Variants in MTOR observed in about 807,000 individuals in gnomAD.
MTOR encodes mechanistic target of rapamycin kinase, also known as serine/threonine-protein kinase mTOR.
A neutral mutation model predicts 319.8 loss-of-function variants in MTOR; 70 were observed. The observed-to-expected ratio is 0.22, with a 90% CI of 0.18 to 0.27. The LOEUF (loss-of-function observed/expected upper bound fraction) is 0.27, where lower values mean the gene tolerates loss of function less well. MTOR is among the 10% of genes least tolerant of loss of function. The probability of loss-of-function intolerance (pLI) is 1.00; values close to 1 mark genes in which losing one functional copy is unlikely to be tolerated. For missense variants in MTOR, 1,890 were observed against 3,274.4 expected, an observed-to-expected ratio of 0.58 and a Z score of 10.32; for synonymous variants, 1,183 against 1,211.4, an observed-to-expected ratio of 0.98 and a Z score of 0.49.
chr1:11,107,244 GT>G lies in MTOR; in HGVS notation c.*240del, dbSNP rs571012345. The G allele has an allele frequency of 8.2e-4, 1,176 of 1,425,810 alleles. 4 individuals are homozygous for G. The highest frequency in any genetic ancestry group is 3.5e-3 in the South Asian group (239 of 68,394). 88.3% of individuals were successfully genotyped at this position (1,425,810 alleles called of 1,614,324 possible). On this transcript the variant is annotated 3_prime_UTR_variant, in exon 58 of 58. Coordinates refer to ENST00000361445, the MANE Select transcript of MTOR (RefSeq NM_004958.4). The stretch of plus-strand genomic sequence containing the variant: ...CAAAATGAATGGCTTGATTTACGTG[GT>G]ATTACTATGTTTCACTGTCCTGGGA...
rs201601333 is a variant in MTOR, at chr1:11,241,656, C to A, written c.1438G>T (p.Ala480Ser). 2 of 1,613,706 alleles carry A rather than the reference C, an allele frequency of 1.2e-6. No homozygotes were observed. Among genetic ancestry groups the A allele is most frequent in the Non-Finnish European group, 1.7e-6 (2 of 1,179,698 alleles). ...ATGCTGATGCAAGTGAAGACTGTGG[C>A]ATCCACCTGCATTGCCTTCTGCCTC... ...HKRQKAMQVD[A>S]TVFTCISMLA... Residue 480 changes from alanine (A) to serine (S), a missense_variant, in exon 10 of 58, where the codon GCC becomes TCC. Coordinates refer to ENST00000361445, the MANE Select transcript of MTOR (RefSeq NM_004958.4).
chr1:11,260,981 G>T (rs1392127859), intron 1 of MTOR, among the ~76,000 whole-genome samples: 1 of 151,434 alleles, frequency 6.6e-6, no homozygotes, highest in Non-Finnish European at 1.5e-5. Flanking sequence ...TAGTAGAGAT[G>T]GGGTTTTATT....
rs1405391070 is a variant in MTOR at position 11,121,864 on chromosome 1, G to A, written c.6810+115C>T. 7.3e-6 allele frequency: 10 copies of A among 1,372,816 alleles called. No individual in the cohort carries two copies. Among genetic ancestry groups the A allele is most frequent in the Non-Finnish European group, 9.9e-6 (10 of 1,012,368 alleles). The allele number at this position is 1,372,816 out of a possible 1,614,324, so 85.0% of individuals were successfully genotyped here. On this transcript the variant is annotated intron_variant, in intron 48 of 57. Coordinates refer to ENST00000361445, the MANE Select transcript of MTOR (RefSeq NM_004958.4). The surrounding 1 kb of genome is among the most constrained non-coding windows in gnomAD (Gnocchi z 4.9). Reference sequence around the variant, plus strand: ...ACTTTATTAAACCTTCTTCAAAGCTGATTCTCTCAAAGAGATTTTTCAGTG... The same window carrying A: ...ACTTTATTAAACCTTCTTCAAAGCTAATTCTCTCAAAGAGATTTTTCAGTG...
chr1:11,116,821 A>G (rs927025955), intron 50 of MTOR, among the ~76,000 whole-genome samples, 183 bp downstream of exon 50: 3 of 152,146 alleles, frequency 2.0e-5, no homozygotes, highest in Admixed American at 6.5e-5. Context: ...AGTTTGATGT[A>G]TTCTTCTGAT....
intron 13 of MTOR, among the ~76,000 whole-genome samples, chr1:11,236,700 G>T (rs953220739): frequency 6.6e-5 from 10 of 151,524 alleles, no homozygotes; most frequent in African/African-American, 2.4e-4. Context: ...TAGTAGAGAT[G>T]GGGTTTCACC....
At chr1:11,204,282 C>T (rs1646069841) in intron 26 of MTOR, among the ~76,000 whole-genome samples, 1 of 152,144 alleles carries the variant, frequency 6.6e-6, no homozygotes, top group South Asian at 2.1e-4. Flanking sequence ...AAATAGGTTA[C>T]ATTCAACTAT....
In MTOR at chr1:11,200,812, G is replaced by A. The variant is rs989353347; in HGVS notation, c.3945-1109C>T. Among the ~76,000 whole-genome samples, 33 of 152,046 alleles carry A rather than the reference G, an allele frequency of 2.2e-4. 1 individual carries two copies. Among genetic ancestry groups the A allele is most frequent in the Admixed American group, 2.0e-3 (30 of 15,268 alleles). ...GGGCGGATCACAAGGTCAGGAGATC[G>A]AGACCATCCTGGCTAACATGGTGAA... On this transcript the variant is annotated intron_variant, in intron 26 of 57. Transcript: ENST00000361445.
Position 11,259,229 on chromosome 1 carries a change from C to T in MTOR, c.162+19G>A, listed in dbSNP as rs371050473. On this transcript the variant is annotated intron_variant, in intron 2 of 57. Transcript: ENST00000361445. ...AGCCCACACATCCCACAATGACTGG[C>T]CCCAGATCCCAGAAGCACCTCTCGG... 3 of 1,611,522 alleles carry T rather than the reference C, an allele frequency of 1.9e-6. No homozygotes were observed. Among genetic ancestry groups the T allele is most frequent in the Non-Finnish European group, 2.5e-6 (3 of 1,179,072 alleles).
chr1:11,119,475 G>A (rs1039730888), intron 49 of MTOR, among the ~76,000 whole-genome samples: 16 of 150,440 alleles, frequency 1.1e-4, no homozygotes, highest in African/African-American at 3.7e-4. Flanking sequence ...GGAGGCTGAG[G>A]CAGAAGAATG....
rs758647260 is a variant in MTOR, at chr1:11,150,203, C to T, written c.4493G>A (p.Cys1498Tyr). 2 of 1,614,050 alleles carry T rather than the reference C, an allele frequency of 1.2e-6. No homozygotes were observed. The highest frequency in any genetic ancestry group is 1.7e-6 in the Non-Finnish European group (2 of 1,179,974). ...GEWGQLHQQC[C>Y]EKWTLVNDET... ...ATCATTAACCAGGGTCCACTTTTCA[C>T]AGCACTGCTGGTGGAGTTGACCCCT... Residue 1498 changes from cysteine (C) to tyrosine (Y), a missense_variant, in exon 31 of 58, where the codon TGT becomes TAT. By Grantham distance (194) the Cys-to-Tyr change is radical. Transcript: ENST00000361445.
chr1:11,234,029 C>T, intron 14 of MTOR, 114 bp downstream of exon 14: 1 of 1,499,110 alleles, frequency 6.7e-7, no homozygotes, highest in Non-Finnish European at 9.2e-7. Context: ...AGCGTGAGAG[C>T]AAAGAAATCA....
At chr1:11,139,701 A>C (rs1293313020) in intron 34 of MTOR, 43 bp from the exon 35 acceptor site, 1 of 1,612,006 alleles carries the variant, frequency 6.2e-7, no homozygotes, top group Non-Finnish European at 8.5e-7. Flanking sequence ...CTTCTGATAC[A>C]TTGTTTTTGT....
intron 32 of MTOR, among the ~76,000 whole-genome samples, chr1:11,145,971 C>T (rs1643915937): frequency 6.6e-6 from 1 of 152,150 alleles, no homozygotes; most frequent in African/African-American, 2.4e-5. Flanking sequence ...TCCACATGAA[C>T]GGGAACTCTT....
intron 23 of MTOR, among the ~76,000 whole-genome samples, chr1:11,211,288 CA>C (rs1646303452): frequency 6.6e-6 from 1 of 152,322 alleles, no homozygotes; most frequent in African/African-American, 2.4e-5. Flanking sequence ...TAGTGATTTG[CA>C]TATTTTAGTG....
chr1:11,168,064 T>C (rs113612898), intron 28 of MTOR, among the ~76,000 whole-genome samples: 4,452 of 149,190 alleles, frequency 0.03, 170 homozygotes, highest in Admixed American at 0.071. Context: ...AGTGAGACAC[T>C]GTCTCAAAAA....
intron 8 of MTOR, among the ~76,000 whole-genome samples, chr1:11,245,196 T>C (rs942560274): frequency 6.6e-6 from 1 of 152,320 alleles, no homozygotes; most frequent in Non-Finnish European, 1.5e-5. Context: ...GCGATTCTCA[T>C]ACAATCCAAG....
intron 19 of MTOR, among the ~76,000 whole-genome samples, chr1:11,227,119 G>C (rs1360587772): frequency 2.0e-5 from 3 of 151,200 alleles, no homozygotes; most frequent in Non-Finnish European, 4.4e-5. Context: ...CAAACATGGC[G>C]AAACCCTGTC....
chr1:11,118,228 ATTTTTTT>A (rs771785403), intron 49 of MTOR, among the ~76,000 whole-genome samples: 363 of 120,736 alleles, frequency 3.0e-3, no homozygotes, highest in African/African-American at 9.7e-3. Flanking sequence ...AACTTAGTTA[ATTTTTTT>A]TTTTTTTTTT....
chr1:11,185,643 G>T (rs761443386), intron 28 of MTOR, among the ~76,000 whole-genome samples: 28 of 152,028 alleles, frequency 1.8e-4, no homozygotes, highest in Admixed American at 9.8e-4. Context: ...TCTAAGAGAA[G>T]GCCTGAGAGA....
Sources: gnomAD v4.1 joint callset for allele counts (sites outside exome capture counted in the v4.1 genomes callset) on GRCh38, gnomAD v4.1.1 for gene constraint, Gnocchi (gnomAD v3.1) non-coding constraint, MANE v1.5 for transcripts, NCBI Gene and HGNC (gene_info 2026-07-23, HGNC 2026-07-21) for gene names.